RREB1: variants seen among roughly 807,000 people sequenced by gnomAD.
RREB1 encodes the protein ras responsive element binding protein 1.
Under a neutral mutation model 117.8 loss-of-function variants are expected in RREB1, and 27 were observed. That is an observed-to-expected ratio of 0.23 (90% CI 0.17 to 0.32). The LOEUF (loss-of-function observed/expected upper bound fraction) is 0.32. Among genes scored for constraint, RREB1 ranks in the 10% least tolerant of loss-of-function variants. The probability of loss-of-function intolerance (pLI) is 1.00; values close to 1 mark genes in which losing one functional copy is unlikely to be tolerated. For missense variants in RREB1, 2,577 were observed against 2,378.2 expected, an observed-to-expected ratio of 1.08 and a Z score of -1.74; for synonymous variants, 1,298 against 1,026.7, an observed-to-expected ratio of 1.26 and a Z score of -5.05.
intron 6 of RREB1, among the ~76,000 whole-genome samples, chr6:7,196,217 C>T (rs191011679): frequency 0.15 from 16,499 of 109,622 alleles, 1,300 homozygotes; most frequent in Non-Finnish European, 0.2. Flanking sequence ...TTTTTTTTTT[C>T]GTTTTTTTTT....
At chr6:7,109,291 GGCCCCCCGC>G (rs912330965) in intron 1 of RREB1, among the ~76,000 whole-genome samples, 4 of 152,000 alleles carry the variant, frequency 2.6e-5, no homozygotes, top group Non-Finnish European at 5.9e-5. Flanking sequence ...CCTTGGGCCG[GGCCCCCCGC>G]GCCCCCTCCC....
intron 1 of RREB1, among the ~76,000 whole-genome samples, chr6:7,136,364 C>G (rs961026167): frequency 6.6e-6 from 1 of 152,138 alleles, no homozygotes; most frequent in African/African-American, 2.4e-5. Context: ...ATTTCTCCCC[C>G]CTTCAGTAGC....
chr6:7,231,880 C>G lies in RREB1; in HGVS notation c.3781C>G (p.Leu1261Val). The change falls in exon 10 of 13, where the codon CTA becomes GTA. Residue 1261 changes from leucine to valine, a missense_variant. Transcript: ENST00000379938. ...CCGGGTTTTCCCTTGGGCCAGCTCC[C>G]TACAGAGGCACATGCTCACACACAC... ...CPRVFPWASS[L>V]QRHMLTHTGQ... 6.2e-7 allele frequency: 1 copy of G among 1,610,044 alleles called. No homozygotes were observed. Among genetic ancestry groups the G allele is most frequent in the Non-Finnish European group, 8.5e-7 (1 of 1,177,774 alleles).
chr6:7,160,751 A>G (rs1011230125), intron 1 of RREB1, among the ~76,000 whole-genome samples: 7 of 151,718 alleles, frequency 4.6e-5, no homozygotes, highest in African/African-American at 7.3e-5. Flanking sequence ...CTGTGGTGCA[A>G]TCTCAGCTCA....
chr6:7,122,846 T>A (rs2113321177), intron 1 of RREB1, among the ~76,000 whole-genome samples: 1 of 152,256 alleles, frequency 6.6e-6, no homozygotes, highest in Non-Finnish European at 1.5e-5. Flanking sequence ...TGCCTTGTCA[T>A]GAATATCCAA....
rs558705748 is a variant in RREB1, at chr6:7,187,438, C to T, written c.176C>T (p.Thr59Met). 1.1e-5 allele frequency: 17 copies of T among 1,591,620 alleles called. No homozygotes were observed. The East Asian group carries it at 1.6e-4, about 15-fold the overall frequency. The change falls in exon 5 of 13, where the codon ACG (threonine) becomes ATG (methionine). Residue 59 changes from threonine to methionine, a missense_variant. Transcript: ENST00000379938. ...PNRIGRRNQE[T>M]KEEKSSYNCP... is the part of the protein sequence containing the mutation. The stretch of plus-strand genomic sequence containing the variant: ...CCTTTTAATCTTTCTTTTTAGGAAA[C>T]GAAAGAGGAGAAGTCTTCCTATAAC...
chr6:7,146,028 T>G (rs1172548672), intron 1 of RREB1, among the ~76,000 whole-genome samples: 1 of 151,804 alleles, frequency 6.6e-6, no homozygotes, highest in Admixed American at 6.6e-5. Flanking sequence ...TCCCTCTCCT[T>G]CCTGCTCTGC....
chr6:7,181,545 G>A, intron 3 of RREB1: 1 of 530,418 alleles, frequency 1.9e-6, no homozygotes, highest in Non-Finnish European at 3.3e-6. Flanking sequence ...GCAGCTTTCT[G>A]GGCTTTGTCA....
chr6:7,201,198 T>G lies in RREB1; in HGVS notation c.426-9606T>G, dbSNP rs1456841449. Among the ~76,000 whole-genome samples, 3 of 152,122 alleles carry G rather than the reference T, an allele frequency of 2.0e-5. No homozygotes were observed. In the East Asian group the frequency reaches 5.8e-4, roughly 29 times the overall value. On this transcript the variant is annotated intron_variant, in intron 6 of 12. Coordinates refer to ENST00000379938, the MANE Select transcript of RREB1 (RefSeq NM_001003699.4). ...CCCCTCGTCTGATGCACTGAGAACT[T>G]TGAACAGGTCCTGAGTGTGTGTCCG...
chr6:7,162,819 CTTTAT>C (rs543316226), intron 1 of RREB1, among the ~76,000 whole-genome samples: 114 of 152,066 alleles, frequency 7.5e-4, no homozygotes, highest in Non-Finnish European at 1.1e-3. Flanking sequence ...GACTGCTCCC[CTTTAT>C]TTTATTTTAT....
chr6:7,130,262 G>C (rs752461441), intron 1 of RREB1, among the ~76,000 whole-genome samples: 1 of 152,200 alleles, frequency 6.6e-6, no homozygotes, highest in African/African-American at 2.4e-5. Context: ...AACCTGCAAA[G>C]TAGTAGTAGT....
chr6:7,231,715 G>A lies in RREB1; in HGVS notation c.3616G>A (p.Asp1206Asn), dbSNP rs1265096832. The A allele has an allele frequency of 6.2e-7, 1 of 1,613,706 alleles. No homozygotes were observed. The highest frequency in any genetic ancestry group is 1.7e-5 in the Admixed American group (1 of 60,012). Residue 1206 changes from aspartate (D) to asparagine (N), a missense_variant, in exon 10 of 13, where the codon GAT (aspartate) becomes AAT (asparagine). Transcript: ENST00000379938. ...GCAGACAGCGGAGGACAACACTCAG[G>A]ATGAGGTGGCCGGAGCCCCTGCCGA... Reference protein sequence around the residue: ...FLQTAEDNTQDEVAGAPADHH... With the variant: ...FLQTAEDNTQNEVAGAPADHH...
In RREB1 at chr6:7,230,405, G is replaced by T; in HGVS notation, c.2306G>T (p.Arg769Leu). ...GACCTCAAGCACTATCGTGCCCTGC[G>T]CATCCACATGCGCACGCACTGCGGC... Reference protein sequence around the residue: ...GEDLKHYRALRIHMRTHCGRG... With the variant: ...GEDLKHYRALLIHMRTHCGRG... The change falls in exon 10 of 13, where the codon CGC becomes CTC. Residue 769 changes from arginine to leucine, a missense_variant. Arg to Leu is a moderately radical substitution (Grantham distance 102, BLOSUM62 -2). Coordinates refer to ENST00000379938, the MANE Select transcript of RREB1 (RefSeq NM_001003699.4). 2 of 1,590,784 alleles carry T rather than the reference G, an allele frequency of 1.3e-6. No individual in the cohort carries two copies. The highest frequency in any genetic ancestry group is 1.3e-5 in the African/African-American group (1 of 74,816).
At chr6:7,188,737 TTC>T (rs2113552665) in intron 5 of RREB1, among the ~76,000 whole-genome samples, 1 of 152,300 alleles carries the variant, frequency 6.6e-6, no homozygotes, top group South Asian at 2.1e-4. Flanking sequence ...CAGGTTTCAG[TTC>T]TCTTTCTCTG....
intron 1 of RREB1, among the ~76,000 whole-genome samples, chr6:7,164,014 G>A (rs1279552056): frequency 6.6e-6 from 1 of 152,024 alleles, no homozygotes; most frequent in Non-Finnish European, 1.5e-5. Flanking sequence ...CCCCTATCGG[G>A]GCTGGGTCCT....
At chr6:7,210,245 A>G (rs1210824813) in intron 6 of RREB1, among the ~76,000 whole-genome samples, 1 of 152,234 alleles carries the variant, frequency 6.6e-6, no homozygotes, top group Admixed American at 6.5e-5. Flanking sequence ...ATAAATCCAC[A>G]TAATACTACG....
chr6:7,132,414 C>T (rs1442384891), intron 1 of RREB1, among the ~76,000 whole-genome samples: 1 of 152,130 alleles, frequency 6.6e-6, no homozygotes, highest in Non-Finnish European at 1.5e-5. Context: ...GATCCATCTA[C>T]GTTGGCCTTC....
intron 1 of RREB1, among the ~76,000 whole-genome samples, chr6:7,143,843 T>C (rs989585862): frequency 1.7e-5 from 2 of 120,922 alleles, no homozygotes; most frequent in Non-Finnish European, 1.6e-5. Context: ...TGCAGCCTTT[T>C]TTTCTTTCTT....
At chr6:7,153,736 G>A (rs543753226) in intron 1 of RREB1, among the ~76,000 whole-genome samples, 8 of 152,298 alleles carry the variant, frequency 5.3e-5, no homozygotes, top group East Asian at 3.9e-4. Context: ...CAGGCTAAGC[G>A]AAGCTATGTT....
Sources: allele counts gnomAD v4.1 joint callset (sites outside exome capture counted in the v4.1 genomes callset), GRCh38; gene constraint gnomAD v4.1.1; transcripts MANE v1.5; gene names NCBI Gene and HGNC (gene_info 2026-07-23, HGNC 2026-07-21).